The following SYNE1 variants were observed in gnomAD, a reference collection of about 807,000 sequenced individuals.
SYNE1 encodes the protein spectrin repeat containing nuclear envelope protein 1.
In SYNE1, 616 loss-of-function variants were observed where a neutral mutation model predicts 1,111.0. That is an observed-to-expected ratio of 0.55 (90% CI 0.52 to 0.59). The LOEUF is 0.59. SYNE1 is among the 20% of genes least tolerant of loss of function. The pLI is 0.00. For missense variants in SYNE1, 10,006 were observed against 10,417.0 expected (o/e 0.96, Z 1.72); for synonymous variants, 3,855 against 3,825.8 (o/e 1.01, Z -0.28).
chr6:152,523,461 GTAGTA>G (rs1480435769), intron 5 of SYNE1, among the ~76,000 whole-genome samples: 3 of 152,044 alleles, frequency 2.0e-5, no homozygotes, highest in African/African-American at 7.2e-5. Context: ...CTATAGCCTT[GTAGTA>G]TAATTCAAAG....
At chr6:152,573,666 C>T (rs1227946695) in intron 3 of SYNE1, among the ~76,000 whole-genome samples, 1 of 152,134 alleles carries the variant, frequency 6.6e-6, no homozygotes, top group East Asian at 1.9e-4. Context: ...TTGGGACTCT[C>T]ATAAATCATA....
intron 3 of SYNE1, among the ~76,000 whole-genome samples, chr6:152,617,675 G>A (rs561432803): frequency 6.8e-4 from 104 of 152,238 alleles, no homozygotes; most frequent in Admixed American, 1.5e-3. Flanking sequence ...ACACTAATGG[G>A]GACAGAGCTT....
rs1563855437 is a variant in SYNE1 at position 152,416,513 on chromosome 6, G to A, written c.5924C>T (p.Ala1975Val). Residue 1975 changes from alanine to valine, a missense_variant, in exon 41 of 146, where the codon GCT (alanine) becomes GTT (valine). Physicochemically the swap from Ala to Val is moderately conservative, Grantham distance 64. This residue lies in a region of SYNE1 where 4,955 missense variants were observed against 5,017.2 expected (regional missense o/e 0.99). Coordinates refer to ENST00000367255, the MANE Select transcript of SYNE1 (RefSeq NM_182961.4). ...LLGTKQSEAD[A>V]LAVLKKAFQD... is the part of the protein sequence containing the mutation. The stretch of plus-strand genomic sequence containing the variant: ...GAATGCTTTTTTCAACACTGCCAGA[G>A]CATCTGCCTCACTCTGCTTGGTTCC... 6.2e-7 allele frequency: 1 copy of A among 1,614,014 alleles called. No homozygotes were observed. The highest frequency in any genetic ancestry group is 8.5e-7 in the Non-Finnish European group (1 of 1,180,020).
In SYNE1 at chr6:152,449,820, C is replaced by T. The variant is rs539591809; in HGVS notation, c.3396-179G>A. Among the ~76,000 whole-genome samples the T allele has an allele frequency of 3.9e-5, 6 of 152,096 alleles. No individual in the cohort carries two copies. The East Asian group carries it at 7.7e-4, about 20-fold the overall frequency. ...GCTCATGTTAAAGGGCAGGGGTGGC[C>T]GCCTCTATGCTCAGTTACTAGGGGC... On this transcript the variant is annotated intron_variant, in intron 27 of 145. Transcript: ENST00000367255.
chr6:152,275,398 C>T (rs558725042), intron 98 of SYNE1, among the ~76,000 whole-genome samples: 5 of 152,184 alleles, frequency 3.3e-5, no homozygotes, highest in East Asian at 1.9e-4. Flanking sequence ...CAGTTTATCA[C>T]GTTTCAAGTG....
Position 152,300,453 on chromosome 6 carries a change from C to G in SYNE1, c.17682+188G>C, listed in dbSNP as rs1017095678. Among the ~76,000 whole-genome samples, 6 of 152,248 alleles carry G rather than the reference C, an allele frequency of 3.9e-5. No homozygotes were observed. In the South Asian group the frequency reaches 1.2e-3, roughly 32 times the overall value. ...TTTGTTCATCCCACTTTCTGTAGCC[C>G]AGGAGAGGAGATGACATACTGAGAC... On this transcript the variant is annotated intron_variant, in intron 93 of 145. Transcript: ENST00000367255.
chr6:152,399,578 G>A, intron 48 of SYNE1, 38 bp downstream of exon 48: 1 of 1,610,822 alleles, frequency 6.2e-7, no homozygotes, highest in Non-Finnish European at 8.5e-7. Context: ...TTCTTTCTCG[G>A]AAACAAACTA....
At chr6:152,144,474 T>G (rs2059093955) in intron 137 of SYNE1, 1 of 107,390 alleles carries the variant, frequency 9.3e-6, no homozygotes, top group Admixed American at 1.0e-4. Context: ...TTTGTAAAAT[T>G]ACTGAGAGTG....
At chr6:152,235,455 G>A (rs554549673) in intron 110 of SYNE1, among the ~76,000 whole-genome samples, 60 of 151,694 alleles carry the variant, frequency 4.0e-4, no homozygotes, top group African/African-American at 1.3e-3. Context: ...TCCCCTTCCC[G>A]GGTTCAAGCG....
chr6:152,469,695 T>C (rs73782835), intron 16 of SYNE1, among the ~76,000 whole-genome samples: 374 of 152,324 alleles, frequency 2.5e-3, no homozygotes, highest in African/African-American at 8.9e-3. Context: ...TTTTTTTAGA[T>C]TGTGATATTC....
chr6:152,122,155 C>G lies in SYNE1; in HGVS notation c.*281G>C. The G allele has an allele frequency of 6.5e-6, 3 of 463,496 alleles. No individual in the cohort carries two copies. Among genetic ancestry groups the G allele is most frequent in the Non-Finnish European group, 1.2e-5 (3 of 252,750 alleles). The allele number at this position is 463,496 out of a possible 1,614,324, so 28.7% of individuals were successfully genotyped here. On this transcript the variant is annotated 3_prime_UTR_variant, in exon 146 of 146. Transcript: ENST00000367255. ...GCCAAGGGCCCAGAATTCATGAGTC[C>G]GGGGAACTTTGGAGGTCCTTACTCA...
chr6:152,513,099 T>C (rs555694873), intron 6 of SYNE1, among the ~76,000 whole-genome samples: 1 of 152,188 alleles, frequency 6.6e-6, no homozygotes, highest in African/African-American at 2.4e-5. Context: ...GGAAAGTGTC[T>C]TAAAACCTTC....
chr6:152,132,247 A>G (rs1365870514), intron 143 of SYNE1, 33 bp from the exon 144 acceptor site: 1 of 1,596,472 alleles, frequency 6.3e-7, no homozygotes, highest in African/African-American at 1.3e-5. Flanking sequence ...TAACAACTCC[A>G]TGTCCCAGAC....
intron 11 of SYNE1, among the ~76,000 whole-genome samples, chr6:152,491,092 A>T (rs968517534): frequency 1.3e-5 from 2 of 152,022 alleles, no homozygotes; most frequent in East Asian, 3.9e-4. Flanking sequence ...CTGATCATTC[A>T]CCCACATTCC....
At chr6:152,352,571 T>C (rs2096761326) in intron 69 of SYNE1, among the ~76,000 whole-genome samples, 1 of 151,940 alleles carries the variant, frequency 6.6e-6, no homozygotes, top group Admixed American at 6.6e-5. Flanking sequence ...CCCAGCTAAT[T>C]TTTGTATTTT....
chr6:152,376,946 C>T, intron 56 of SYNE1, 34 bp from the exon 57 acceptor site: 1 of 1,611,544 alleles, frequency 6.2e-7, no homozygotes, highest in Non-Finnish European at 8.5e-7. Flanking sequence ...GAAGCGAGCA[C>T]TTACATTGGG....
At chr6:152,141,420 G>C in intron 138 of SYNE1, 91 bp from the exon 139 acceptor site, 1 of 1,569,614 alleles carries the variant, frequency 6.4e-7, no homozygotes, top group South Asian at 1.1e-5. Flanking sequence ...TTCTCAGCAA[G>C]AGAAGTGTCT....
intron 3 of SYNE1, among the ~76,000 whole-genome samples, chr6:152,614,187 G>A (rs1200404416): frequency 6.6e-6 from 1 of 152,126 alleles, no homozygotes; most frequent in Admixed American, 6.5e-5. Flanking sequence ...ACTACCATCA[G>A]AGTGAACAGG....
At chr6:152,303,098 CTTT>C (rs71017533) in intron 91 of SYNE1, among the ~76,000 whole-genome samples, 23 of 107,022 alleles carry the variant, frequency 2.1e-4, no homozygotes, top group African/African-American at 3.7e-4. Flanking sequence ...AACTATTATT[CTTT>C]TTTTTTTTTT....
Sources: allele counts gnomAD v4.1 joint callset (sites outside exome capture counted in the v4.1 genomes callset), GRCh38; gene constraint gnomAD v4.1.1; regional missense constraint gnomAD v4.1.1; transcripts MANE v1.5; gene names NCBI Gene and HGNC (gene_info 2026-07-23, HGNC 2026-07-21).